The following RFFL variants were observed in gnomAD, a reference collection of about 807,000 sequenced individuals.
RFFL encodes the protein ring finger and FYVE like domain containing E3 ubiquitin protein ligase.
RFFL carries 16 observed loss-of-function variants against 40.4 expected under a neutral mutation model. That is an observed-to-expected ratio of 0.40 (90% CI 0.27 to 0.60). The LOEUF is 0.60. Among genes scored for constraint, RFFL ranks in the 20% least tolerant of loss-of-function variants. The probability of loss-of-function intolerance (pLI) is 0.47; values close to 1 mark genes in which losing one functional copy is unlikely to be tolerated. For synonymous variants in RFFL, 154 were observed against 167.9 expected (o/e 0.92, Z 0.64); for missense variants, 367 against 451.7 (o/e 0.81, Z 1.70).
At chr17:35,040,312 C>T (rs1156444360) in intron 1 of RFFL, among the ~76,000 whole-genome samples, 2 of 152,038 alleles carry the variant, frequency 1.3e-5, no homozygotes, top group Non-Finnish European at 2.9e-5. Context: ...GCTTTAAATA[C>T]CTTTCTTGGC....
At position 35,007,896 on chromosome 17, in the gene RFFL, C is replaced by T. The variant is rs1202885158; in HGVS notation, c.*4072G>A. The T allele has an allele frequency of 6.6e-6, 1 of 152,226 alleles. No individual in the cohort carries two copies. Among genetic ancestry groups the T allele is most frequent in the African/African-American group, 2.4e-5 (1 of 41,448 alleles). The allele number at this position is 152,226 out of a possible 1,614,324, so 9.4% of individuals were successfully genotyped here. Reference sequence around the variant, plus strand: ...CTTAACAAACAGGCACACACCATCACTCGCAGCTAAGTTTTTGTATTTTTA... The same window carrying T: ...CTTAACAAACAGGCACACACCATCATTCGCAGCTAAGTTTTTGTATTTTTA... On this transcript the variant is annotated 3_prime_UTR_variant, in exon 7 of 7. Transcript: ENST00000394597.
At chr17:35,039,160 G>A (rs1488027106) in intron 1 of RFFL, among the ~76,000 whole-genome samples, 1 of 152,176 alleles carries the variant, frequency 6.6e-6, no homozygotes, top group Non-Finnish European at 1.5e-5. Flanking sequence ...ACCCGCCTCA[G>A]CCTCCCAAAG....
intron 1 of RFFL, among the ~76,000 whole-genome samples, chr17:35,029,724 G>C (rs1428893131): frequency 6.6e-6 from 1 of 151,190 alleles, no homozygotes; most frequent in Non-Finnish European, 1.5e-5. Flanking sequence ...AAGTTTTAGG[G>C]TACATGTGCA....
chr17:35,045,003 T>A (rs1024273383), intron 1 of RFFL, among the ~76,000 whole-genome samples: 3 of 151,978 alleles, frequency 2.0e-5, no homozygotes, highest in Non-Finnish European at 4.4e-5. Context: ...TCCCAAAGGA[T>A]TGGAATTACA....
At chr17:35,076,598 AAC>A (rs1302240171) in intron 1 of RFFL, 5 of 151,266 alleles carry the variant, frequency 3.3e-5, no homozygotes, top group African/African-American at 1.2e-4. Context: ...GAATTGCTTG[AAC>A]CCGGGAGGCG....
intron 1 of RFFL, chr17:35,073,770 C>G (rs1355168412): frequency 6.6e-6 from 1 of 152,086 alleles, no homozygotes; most frequent in African/African-American, 2.4e-5. Context: ...ACCCCACACA[C>G]AGACACACAC....
At chr17:35,025,448 C>T (rs1362227433) in intron 2 of RFFL, 1 of 152,192 alleles carries the variant, frequency 6.6e-6, no homozygotes, top group East Asian at 1.9e-4. Context: ...GCCCTAGTTT[C>T]TCATATGTAA....
intron 1 of RFFL, among the ~76,000 whole-genome samples, chr17:35,031,387 G>C (rs573833901): frequency 6.6e-6 from 1 of 152,002 alleles, no homozygotes; most frequent in Non-Finnish European, 1.5e-5. Flanking sequence ...GATTACAGGC[G>C]TGAGCCACCA....
intron 1 of RFFL, among the ~76,000 whole-genome samples, chr17:35,053,668 T>A (rs1257302756): frequency 2.0e-5 from 3 of 152,204 alleles, no homozygotes; most frequent in African/African-American, 7.2e-5. Context: ...GACAATGAAA[T>A]GCCCTACTGT....
chr17:35,035,782 C>A (rs1387470639), intron 1 of RFFL, among the ~76,000 whole-genome samples: 1 of 151,964 alleles, frequency 6.6e-6, no homozygotes, highest in Non-Finnish European at 1.5e-5. Context: ...CAGCTCACTG[C>A]AACCTCCATC....
At chr17:35,058,887 A>G (rs951168412) in intron 1 of RFFL, among the ~76,000 whole-genome samples, 8 of 152,208 alleles carry the variant, frequency 5.3e-5, no homozygotes, top group African/African-American at 4.8e-5. Flanking sequence ...TATCTGGGCT[A>G]TAATTGTGAC....
At chr17:35,048,538 T>A (rs186554459) in intron 1 of RFFL, among the ~76,000 whole-genome samples, 8 of 152,204 alleles carry the variant, frequency 5.3e-5, no homozygotes, top group African/African-American at 9.7e-5. Context: ...CTTAATTATA[T>A]AATCCCTTGA....
intron 3 of RFFL, 71 bp downstream of exon 3, chr17:35,021,300 G>A (rs927449434): frequency 7.0e-7 from 1 of 1,430,424 alleles, no homozygotes; most frequent in African/African-American, 1.4e-5. Context: ...TCACAACAAA[G>A]GCAGGAGAGG....
At chr17:35,037,230 A>G (rs892033172) in intron 1 of RFFL, among the ~76,000 whole-genome samples, 12 of 152,224 alleles carry the variant, frequency 7.9e-5, no homozygotes, top group African/African-American at 2.9e-4. Context: ...GCCTTACAGA[A>G]TCATGTCCAG....
At chr17:35,060,019 A>G (rs17605134) in intron 1 of RFFL, among the ~76,000 whole-genome samples, 14,469 of 152,206 alleles carry the variant, frequency 0.095, 943 homozygotes, top group Non-Finnish European at 0.14. Flanking sequence ...TAGCACTCCA[A>G]AAGTTGTGAA....
At chr17:35,018,252 T>G (rs1164667639) in intron 3 of RFFL, among the ~76,000 whole-genome samples, 1 of 152,210 alleles carries the variant, frequency 6.6e-6, no homozygotes. Flanking sequence ...TTAAGTGCTA[T>G]GTCCAGACCT....
intron 1 of RFFL, among the ~76,000 whole-genome samples, chr17:35,044,585 GC>G (rs1404657845): frequency 6.6e-6 from 1 of 152,172 alleles, no homozygotes; most frequent in Non-Finnish European, 1.5e-5. Context: ...CTGCAGTCCA[GC>G]CTGGGAGACA....
intron 3 of RFFL, among the ~76,000 whole-genome samples, chr17:35,020,209 A>T (rs941404515): frequency 3.3e-5 from 5 of 152,040 alleles, no homozygotes; most frequent in African/African-American, 1.2e-4. Context: ...TGGAAATTGG[A>T]TCTTGTAGTT....
At position 35,009,086 on chromosome 17, in the gene RFFL, C is replaced by CT. The variant is rs1244252728; in HGVS notation, c.*2881dup. The CT allele has an allele frequency of 6.6e-6, 1 of 152,634 alleles. No homozygotes were observed. Among genetic ancestry groups the CT allele is most frequent in the Non-Finnish European group, 1.5e-5 (1 of 68,036 alleles). The allele number at this position is 152,634 out of a possible 1,614,324, so 9.5% of individuals were successfully genotyped here. A position where few individuals can be genotyped will look rare whatever the true frequency, so the allele number is the denominator to read the frequency against. ...GCTCTTTTGTCAGTCCTATCAACCT[C>CT]TAACATCCTCGCACCAGACAGGACA... is the stretch of plus-strand genomic sequence containing the variant. On this transcript the variant is annotated 3_prime_UTR_variant, in exon 7 of 7. Coordinates refer to ENST00000394597, the MANE Select transcript of RFFL (RefSeq NM_001017368.2).
Sources: allele counts gnomAD v4.1 joint callset (sites outside exome capture counted in the v4.1 genomes callset), GRCh38; gene constraint gnomAD v4.1.1; transcripts MANE v1.5; gene names NCBI Gene and HGNC (gene_info 2026-07-23, HGNC 2026-07-21).